The following DHX8 variants were observed in gnomAD, a reference collection of about 807,000 sequenced individuals.
DHX8 encodes ATP-dependent RNA helicase DHX8.
A neutral mutation model predicts 140.7 loss-of-function variants in DHX8; 67 were observed. That is an observed-to-expected ratio of 0.48 (90% CI 0.39 to 0.58). The LOEUF (loss-of-function observed/expected upper bound fraction) is 0.58, where lower values mean the gene tolerates loss of function less well. Among genes scored for constraint, DHX8 ranks in the 20% least tolerant of loss-of-function variants. DHX8 has a pLI of 0.00. For synonymous variants in DHX8, 533 were observed against 553.2 expected (o/e 0.96, Z 0.51); for missense variants, 887 against 1,550.7 (o/e 0.57, Z 7.19).
chr17:43,520,374 G>C, intron 19 of DHX8, 107 bp downstream of exon 19: 1 of 1,369,798 alleles, frequency 7.3e-7, no homozygotes. Flanking sequence ...TAAGCTTTGA[G>C]TAAAATTCTA....
intron 16 of DHX8, 75 bp from the exon 17 acceptor site, chr17:43,513,287 G>A (rs1969943524): frequency 1.3e-6 from 2 of 1,489,256 alleles, no homozygotes; most frequent in Non-Finnish European, 1.8e-6. Context: ...GAAGATATCT[G>A]GGTTCAGAAG....
chr17:43,539,757 G>A (rs2154587220), intron 3 of DHX8, among the ~76,000 whole-genome samples: 1 of 152,290 alleles, frequency 6.6e-6, no homozygotes, highest in South Asian at 2.1e-4. Flanking sequence ...GGCAACACTA[G>A]AGGCAGGTCC....
At chr17:43,486,307 A>G (rs1437101137) in intron 1 of DHX8, among the ~76,000 whole-genome samples, 1 of 150,944 alleles carries the variant, frequency 6.6e-6, no homozygotes, top group African/African-American at 2.4e-5. Flanking sequence ...TGCTTCTTTT[A>G]TGTTTTGTTT....
intron 2 of DHX8, chr17:43,536,392 T>G (rs1008341616): frequency 6.3e-7 from 1 of 1,595,050 alleles, no homozygotes; most frequent in East Asian, 2.2e-5. Flanking sequence ...CATCCTCCAC[T>G]CCCTATACCC....
chr17:43,528,083 C>T (rs953434638), downstream of DHX8: 5 of 235,800 alleles, frequency 2.1e-5, no homozygotes, highest in African/African-American at 6.6e-5. Context: ...AGGGCCACAG[C>T]GTGGGGCAGA....
intron 3 of DHX8, among the ~76,000 whole-genome samples, chr17:43,541,954 C>T (rs1009132605): frequency 2.6e-5 from 4 of 152,248 alleles, no homozygotes; most frequent in South Asian, 2.1e-4. Context: ...TGCACTCGGA[C>T]GCATATTCAG....
chr17:43,498,207 C>T (rs1195285460), intron 9 of DHX8, among the ~76,000 whole-genome samples: 8 of 150,032 alleles, frequency 5.3e-5, no homozygotes, highest in Admixed American at 2.7e-4. Flanking sequence ...TGCAGTGGCA[C>T]GGTCTTGGCT....
chr17:43,528,062 C>T (rs573984220), downstream of DHX8: 3 of 234,968 alleles, frequency 1.3e-5, no homozygotes, highest in East Asian at 1.2e-4. Flanking sequence ...ACTGACAAAC[C>T]GGGACCCTCC....
chr17:43,510,338 G>A (rs1047269252), intron 16 of DHX8, among the ~76,000 whole-genome samples: 8 of 152,160 alleles, frequency 5.3e-5, no homozygotes, highest in Non-Finnish European at 7.3e-5. Context: ...GTGAGCCACC[G>A]TGCCCAGCCA....
chr17:43,529,414 G>C, downstream of DHX8: 4 of 1,474,756 alleles, frequency 2.7e-6, no homozygotes, highest in Non-Finnish European at 3.7e-6. Context: ...CAAGAATCAT[G>C]ATGGAGGCAC....
intron 21 of DHX8, among the ~76,000 whole-genome samples, 165 bp downstream of exon 21, chr17:43,521,730 A>G (rs896223996): frequency 3.9e-5 from 6 of 152,064 alleles, no homozygotes; most frequent in African/African-American, 1.4e-4. Context: ...CTTCTCCCCA[A>G]GTAAGGGTAT....
In DHX8 at chr17:43,499,788, C is replaced by T. The variant is rs1470274413; in HGVS notation, c.1399-168C>T. On this transcript the variant is annotated intron_variant, in intron 10 of 22. Transcript: ENST00000262415. The stretch of plus-strand genomic sequence containing the variant: ...TCAATGATGTAACATTGTCCTTGTT[C>T]ATTTTATCTGAATATGCTACGGTTT... Among the ~76,000 whole-genome samples, 3 of 152,194 alleles carry T rather than the reference C, an allele frequency of 2.0e-5. No individual in the cohort carries two copies. In the East Asian group the frequency reaches 5.8e-4, roughly 29 times the overall value.
At chr17:43,508,662 C>A in intron 16 of DHX8, 142 bp downstream of exon 16, 1 of 566,848 alleles carries the variant, frequency 1.8e-6, no homozygotes, top group African/African-American at 2.0e-5. Context: ...CGCTCTCACC[C>A]AGGCAGGAGT....
At chr17:43,499,274 A>G (rs1174655038) in intron 10 of DHX8, among the ~76,000 whole-genome samples, 3 of 152,166 alleles carry the variant, frequency 2.0e-5, no homozygotes, top group African/African-American at 7.2e-5. Flanking sequence ...GGCAATTTTG[A>G]AGGATTTACT....
intron 18 of DHX8, 96 bp downstream of exon 18, chr17:43,517,418 T>A: frequency 1.4e-6 from 2 of 1,384,122 alleles, no homozygotes; most frequent in Non-Finnish European, 9.7e-7. Context: ...TTAAATACTT[T>A]AGTAACCTCA....
At chr17:43,496,481 A>G (rs2154586468) in intron 9 of DHX8, among the ~76,000 whole-genome samples, 1 of 152,288 alleles carries the variant, frequency 6.6e-6, no homozygotes, top group Middle Eastern at 3.4e-3. Context: ...CCTGTTGCTT[A>G]TAATAAGCTC....
intron 8 of DHX8, among the ~76,000 whole-genome samples, chr17:43,494,405 T>C (rs947273533): frequency 6.6e-6 from 1 of 151,854 alleles, no homozygotes; most frequent in Non-Finnish European, 1.5e-5. Flanking sequence ...ACAGGACCAG[T>C]GTTGGTGGTG....
At chr17:43,494,414 T>TTTATTAATTAAAG in intron 8 of DHX8, among the ~76,000 whole-genome samples, 1 of 151,950 alleles carries the variant, frequency 6.6e-6, no homozygotes, top group Non-Finnish European at 1.5e-5. Flanking sequence ...GTGTTGGTGG[T>TTTATTAATTAAAG]GTGAGGATTA....
At chr17:43,498,487 T>A (rs1179133812) in intron 9 of DHX8, among the ~76,000 whole-genome samples, 1 of 150,910 alleles carries the variant, frequency 6.6e-6, no homozygotes, top group Non-Finnish European at 1.5e-5. Context: ...TCTCACTCTG[T>A]CACCCAGGCT....
Sources: gnomAD v4.1 joint callset for allele counts (sites outside exome capture counted in the v4.1 genomes callset) on GRCh38, gnomAD v4.1.1 for gene constraint, MANE v1.5 for transcripts, NCBI Gene and HGNC (gene_info 2026-07-23, HGNC 2026-07-21) for gene names.